Variants in SPTLC2 observed in about 807,000 individuals in gnomAD.
SPTLC2 encodes the protein serine palmitoyltransferase 2.
SPTLC2 carries 21 observed loss-of-function variants against 62.0 expected under a neutral mutation model. The observed-to-expected ratio is 0.34, with a 90% confidence interval of 0.24 to 0.49. SPTLC2 has a LOEUF of 0.49. SPTLC2 is among the 20% of genes least tolerant of loss of function. SPTLC2 has a pLI of 0.99. For missense variants in SPTLC2, 511 were observed against 713.0 expected, an observed-to-expected ratio of 0.72 and a Z score of 3.23; for synonymous variants, 261 against 261.8, an observed-to-expected ratio of 1.00 and a Z score of 0.03.
At chr14:77,605,384 T>C (rs192908552) in intron 1 of SPTLC2, among the ~76,000 whole-genome samples, 1 of 152,256 alleles carries the variant, frequency 6.6e-6, no homozygotes, top group African/African-American at 2.4e-5. Context: ...CAGGTTAGCT[T>C]TAATAGAGAG....
intron 9 of SPTLC2, among the ~76,000 whole-genome samples, chr14:77,523,050 A>G (rs1445970353): frequency 1.3e-5 from 2 of 152,248 alleles, no homozygotes; most frequent in African/African-American, 2.4e-5. Context: ...AGCACTGAAG[A>G]GCATCATTTA....
At chr14:77,543,154 A>AT (rs1442895989) in intron 9 of SPTLC2, among the ~76,000 whole-genome samples, 1 of 152,066 alleles carries the variant, frequency 6.6e-6, no homozygotes, top group Non-Finnish European at 1.5e-5. Context: ...GGTTCCAGTG[A>AT]TTTTCCTGCC....
Position 77,594,587 on chromosome 14 carries a change from G to A in SPTLC2, c.327+2599C>T, listed in dbSNP as rs189627462. On this transcript the variant is annotated intron_variant, in intron 2 of 11. Coordinates refer to ENST00000216484, the MANE Select transcript of SPTLC2 (RefSeq NM_004863.4). ...ACCAGCCTGGGCAACATGGCGAGAC[G>A]CTGTCTCTATTTAAAAACAAAAACA... 1.2e-4 allele frequency among the ~76,000 whole-genome samples: 18 copies of A among 152,190 alleles called. 1 individual carries two copies. In the South Asian group the frequency reaches 2.5e-3, roughly 21 times the overall value.
chr14:77,543,947 A>G (rs1240471653), intron 9 of SPTLC2, among the ~76,000 whole-genome samples: 2 of 152,172 alleles, frequency 1.3e-5, no homozygotes, highest in Non-Finnish European at 2.9e-5. Context: ...TCCTTTTTCA[A>G]TTACCATCAA....
intron 7 of SPTLC2, 79 bp from the exon 8 acceptor site, chr14:77,555,598 A>G: frequency 7.3e-7 from 1 of 1,367,906 alleles, no homozygotes; most frequent in Non-Finnish European, 1.0e-6. Flanking sequence ...TTGGCACTTC[A>G]TTATTATTGA....
At chr14:77,534,789 C>A (rs1408901255) in intron 9 of SPTLC2, among the ~76,000 whole-genome samples, 5 of 151,870 alleles carry the variant, frequency 3.3e-5, no homozygotes, top group Non-Finnish European at 5.9e-5. Context: ...TGCTCTAGAC[C>A]CTGGACATTC....
chr14:77,615,462 CAG>C (rs1235403547), intron 1 of SPTLC2, among the ~76,000 whole-genome samples: 2 of 152,226 alleles, frequency 1.3e-5, no homozygotes, highest in African/African-American at 2.4e-5. Flanking sequence ...TAAAGGGAAA[CAG>C]AGTACTTTCT....
At chr14:77,575,499 A>G (rs941126196) in intron 4 of SPTLC2, among the ~76,000 whole-genome samples, 1 of 152,174 alleles carries the variant, frequency 6.6e-6, no homozygotes, top group Non-Finnish European at 1.5e-5. Context: ...CTGTACAGCT[A>G]GGGCATAAAA....
intron 2 of SPTLC2, among the ~76,000 whole-genome samples, chr14:77,585,326 A>G (rs2079775279): frequency 6.6e-6 from 1 of 152,214 alleles, no homozygotes; most frequent in Non-Finnish European, 1.5e-5. Context: ...TCTTTGTCCA[A>G]GTCACATAAC....
At chr14:77,529,620 C>CTTTTTTTTTTTTTTTTTTTTTTTTTT (rs71452856) in intron 9 of SPTLC2, among the ~76,000 whole-genome samples, 4 of 76,056 alleles carry the variant, frequency 5.3e-5, no homozygotes, top group Admixed American at 3.2e-4. Flanking sequence ...TTCTTTCTTT[C>CTTTTTTTTTTTTTTTTTTTTTTTTTT]TTTTTTTTTT....
chr14:77,604,866 CAAAAAAAA>C (rs35580409), intron 1 of SPTLC2, among the ~76,000 whole-genome samples: 3 of 94,174 alleles, frequency 3.2e-5, no homozygotes, highest in African/African-American at 1.3e-4. Context: ...GACTCTTTCT[CAAAAAAAA>C]AAAAAAAAAA....
chr14:77,612,727 T>C (rs548212810), intron 1 of SPTLC2, among the ~76,000 whole-genome samples: 2 of 152,368 alleles, frequency 1.3e-5, no homozygotes, highest in Non-Finnish European at 2.9e-5. Flanking sequence ...ACCAGCTTTA[T>C]TAGTTATTTA....
chr14:77,567,918 G>C (rs2079654861), intron 5 of SPTLC2, among the ~76,000 whole-genome samples: 1 of 151,266 alleles, frequency 6.6e-6, no homozygotes, highest in Non-Finnish European at 1.5e-5. Flanking sequence ...CTTGGGACCA[G>C]ATGTGTTTCA....
chr14:77,596,713 A>ATG lies in SPTLC2; in HGVS notation c.327+471_327+472dup, dbSNP rs373684145. Among the ~76,000 whole-genome samples, 1,064 of 152,338 alleles carry ATG rather than the reference A, an allele frequency of 7.0e-3. 14 individuals carry two copies. The highest frequency in any genetic ancestry group is 0.024 in the African/African-American group (1,012 of 41,568). ...CTTGTTTGTCTGGGGAGAGGAGCTG[A>ATG]TGTGTGAATCACCCAACTATGTATA... On this transcript the variant is annotated intron_variant, in intron 2 of 11. Transcript: ENST00000216484.
intron 5 of SPTLC2, among the ~76,000 whole-genome samples, chr14:77,564,359 A>G (rs1414941426): frequency 1.3e-5 from 2 of 150,774 alleles, no homozygotes; most frequent in Admixed American, 1.3e-4. Flanking sequence ...TAGAGCCGGC[A>G]GTATCAATAG....
In SPTLC2 at chr14:77,506,286, A is replaced by AT. The variant is rs2079304653; in HGVS notation, c.*5997dup. On this transcript the variant is annotated 3_prime_UTR_variant, in exon 12 of 12. Coordinates refer to ENST00000216484, the MANE Select transcript of SPTLC2 (RefSeq NM_004863.4). ...TCCCCTTCTCTCAGTTTCCCAGGTT[A>AT]TATGAACATTACAGCAATAGAAAGG... 6.6e-6 allele frequency: 1 copy of AT among 152,252 alleles called. No individual in the cohort carries two copies. The highest frequency in any genetic ancestry group is 2.4e-5 in the African/African-American group (1 of 41,466). 9.4% of individuals were successfully genotyped at this position (152,252 alleles called of 1,614,324 possible).
At chr14:77,514,021 T>TAAGA (rs371648791) in intron 11 of SPTLC2, among the ~76,000 whole-genome samples, 59 of 151,256 alleles carry the variant, frequency 3.9e-4, no homozygotes, top group African/African-American at 1.4e-3. Context: ...GGCAACATAG[T>TAAGA]AAGACCTCGT....
Position 77,597,288 on chromosome 14 carries a change from A to G in SPTLC2, c.225T>C (p.Tyr75=). The change falls in exon 2 of 12, where the codon TAT becomes TAC. Residue 75 remains tyrosine, a synonymous_variant. Coordinates refer to ENST00000216484, the MANE Select transcript of SPTLC2 (RefSeq NM_004863.4). ...AGAGGGTGAGTACGCCATACCCCAC[A>G]TACGTGAGCACAGCAACCAGCATTG... The part of the protein sequence containing the change: ...ETPMLVAVLT[Y]VGYGVLTLFG... 6.2e-7 allele frequency: 1 copy of G among 1,614,200 alleles called. No individual in the cohort carries two copies. The highest frequency in any genetic ancestry group is 1.1e-5 in the South Asian group (1 of 91,086).
intron 9 of SPTLC2, among the ~76,000 whole-genome samples, chr14:77,549,898 T>A (rs1373950091): frequency 6.6e-6 from 1 of 152,212 alleles, no homozygotes; most frequent in Non-Finnish European, 1.5e-5. Flanking sequence ...AAATAAATTA[T>A]CCAATGTTAA....
Sources: allele counts gnomAD v4.1 joint callset (sites outside exome capture counted in the v4.1 genomes callset), GRCh38; gene constraint gnomAD v4.1.1; transcripts MANE v1.5; gene names NCBI Gene and HGNC (gene_info 2026-07-23, HGNC 2026-07-21).